RFPL1: variants seen among roughly 807,000 people sequenced by gnomAD.
The protein encoded by RFPL1 is ret finger protein-like 1.
A neutral mutation model predicts 9.6 loss-of-function variants in RFPL1; 6 were observed. The observed-to-expected ratio is 0.62, with a 90% CI of 0.34 to 1.23. RFPL1 has a LOEUF of 1.23. Among genes scored for constraint, RFPL1 ranks in the 50% most tolerant of loss-of-function variants. The pLI is 0.03. For synonymous variants in RFPL1, 145 were observed against 149.4 expected, an observed-to-expected ratio of 0.97 and a Z score of 0.22; for missense variants, 352 against 398.4, an observed-to-expected ratio of 0.88 and a Z score of 0.99.
At chr22:29,431,699 T>A in the RFPL1 span, among the ~76,000 whole-genome samples, 1 of 152,054 alleles carries the variant, frequency 6.6e-6, no homozygotes, top group Non-Finnish European at 1.5e-5. Flanking sequence ...TCTTTTTTTT[T>A]TTTTGAGATA....
At chr22:29,435,948 G>A (rs184738651), upstream of RFPL1, among the ~76,000 whole-genome samples, 143 of 152,288 alleles carry the variant, frequency 9.4e-4, 1 homozygote, top group South Asian at 1.2e-3. Flanking sequence ...GGTCTGGAAA[G>A]ATAAATACCA....
chr22:29,439,318 A>G (rs1382290475), intron 1 of RFPL1, 154 bp downstream of exon 1: 5 of 1,159,708 alleles, frequency 4.3e-6, no homozygotes, highest in Non-Finnish European at 4.9e-6. Context: ...CTGACAACAT[A>G]CAGAATCACC....
intron 1 of RFPL1, chr22:29,439,424 G>C (rs67660453): frequency 0.16 from 85,353 of 534,368 alleles, 7,569 homozygotes; most frequent in African/African-American, 0.2. Context: ...ACGAGGTCAG[G>C]AGATCGGGAC....
At chr22:29,434,085 C>T (rs2062797290), upstream of RFPL1, among the ~76,000 whole-genome samples, 1 of 152,110 alleles carries the variant, frequency 6.6e-6, no homozygotes, top group African/African-American at 2.4e-5. Context: ...TTCCTCAGCT[C>T]AAGCGATCCT....
the RFPL1 span, among the ~76,000 whole-genome samples, chr22:29,425,030 C>T: frequency 7.9e-5 from 12 of 151,622 alleles, no homozygotes; most frequent in South Asian, 2.5e-3. Flanking sequence ...CAGTGAAACC[C>T]CGTCTCTACT....
At chr22:29,410,793 C>T in the RFPL1 span, among the ~76,000 whole-genome samples, 1 of 151,292 alleles carries the variant, frequency 6.6e-6, no homozygotes, top group East Asian at 1.9e-4. Flanking sequence ...GCTGGGATTA[C>T]GGACGCCTGC....
chr22:29,438,561 C>T (rs574820123), upstream of RFPL1: 13 of 1,380,318 alleles, frequency 9.4e-6, no homozygotes, highest in African/African-American at 1.3e-4. Flanking sequence ...GACCCCAGCT[C>T]GCTGTTCCTC....
chr22:29,424,656 TAAAAAAAA>T, the RFPL1 span, among the ~76,000 whole-genome samples: 137 of 121,804 alleles, frequency 1.1e-3, no homozygotes, highest in Non-Finnish European at 1.6e-3. Flanking sequence ...AAGGACAAAG[TAAAAAAAA>T]AAAAAAAAAA....
At chr22:29,388,959 C>T in the RFPL1 span, among the ~76,000 whole-genome samples, 45 of 152,288 alleles carry the variant, frequency 3.0e-4, no homozygotes, top group African/African-American at 1.1e-3. Flanking sequence ...TCACTGCACC[C>T]TCCGCCTCCC....
chr22:29,396,026 A>C, the RFPL1 span, among the ~76,000 whole-genome samples: 1 of 148,690 alleles, frequency 6.7e-6, no homozygotes, highest in African/African-American at 2.6e-5. Flanking sequence ...AAGAAAAGAG[A>C]AGAGAAGAGA....
chr22:29,420,385 C>T, the RFPL1 span, among the ~76,000 whole-genome samples: 4 of 152,136 alleles, frequency 2.6e-5, no homozygotes, highest in African/African-American at 9.7e-5. Context: ...GGCTGGAGTG[C>T]AGTGGCCCCA....
the RFPL1 span, chr22:29,419,354 G>T: frequency 2.8e-6 from 2 of 709,768 alleles, no homozygotes; most frequent in Non-Finnish European, 5.1e-6. Context: ...AGGGAGGCAC[G>T]TAAGACATCC....
At chr22:29,416,466 C>A in the RFPL1 span, among the ~76,000 whole-genome samples, 88 of 152,272 alleles carry the variant, frequency 5.8e-4, 1 homozygote, top group South Asian at 0.014. Flanking sequence ...AAGAAAGATG[C>A]AACTGAAACT....
the RFPL1 span, among the ~76,000 whole-genome samples, chr22:29,410,656 A>G: frequency 7.3e-6 from 1 of 137,356 alleles, no homozygotes; most frequent in African/African-American, 2.6e-5. Flanking sequence ...ATCTATCTAT[A>G]TATATATTTT....
At chr22:29,393,266 A>G in the RFPL1 span, among the ~76,000 whole-genome samples, 4 of 152,152 alleles carry the variant, frequency 2.6e-5, no homozygotes, top group Non-Finnish European at 2.9e-5. Context: ...TGACAGTTCC[A>G]TGACTGTCCC....
At chr22:29,402,061 A>G in the RFPL1 span, among the ~76,000 whole-genome samples, 1 of 152,294 alleles carries the variant, frequency 6.6e-6, no homozygotes, top group East Asian at 1.9e-4. Context: ...AAAAATACTA[A>G]TCTACAAGGT....
chr22:29,436,164 A>G (rs12484616), upstream of RFPL1, among the ~76,000 whole-genome samples: 47,963 of 151,626 alleles, frequency 0.32, 9,335 homozygotes, highest in Middle Eastern at 0.47. Flanking sequence ...GCTTGGGGAG[A>G]GGTCGGTAAT....
chr22:29,406,139 A>AAAAG, the RFPL1 span, among the ~76,000 whole-genome samples: 1 of 64,056 alleles, frequency 1.6e-5, no homozygotes, highest in Non-Finnish European at 2.7e-5. Context: ...AAAAAAAAAA[A>AAAAG]AAAAAAATAA....
the RFPL1 span, among the ~76,000 whole-genome samples, chr22:29,407,985 A>G: frequency 7.9e-5 from 12 of 152,236 alleles, no homozygotes; most frequent in Admixed American, 2.0e-4. Context: ...ATGAATTTAG[A>G]CATTTCTCAT....
Sources: gnomAD v4.1 joint callset for allele counts (sites outside exome capture counted in the v4.1 genomes callset) on GRCh38, gnomAD v4.1.1 for gene constraint, MANE v1.5 for transcripts, NCBI Gene and HGNC (gene_info 2026-07-23, HGNC 2026-07-21) for gene names.